Variants in TRPS1 observed in about 807,000 individuals in gnomAD.
TRPS1 encodes transcriptional repressor GATA binding 1, also known as zinc finger transcription factor Trps1.
A neutral mutation model predicts 101.2 loss-of-function variants in TRPS1; 6 were observed. That is an observed-to-expected ratio of 0.06 (90% CI 0.03 to 0.12). The LOEUF (loss-of-function observed/expected upper bound fraction) is 0.12, where lower values mean the gene tolerates loss of function less well. TRPS1 is among the 10% of genes least tolerant of loss of function. TRPS1 has a pLI of 1.00. For synonymous variants in TRPS1, 578 were observed against 589.8 expected (o/e 0.98, Z 0.29); for missense variants, 1,363 against 1,567.0 (o/e 0.87, Z 2.20).
chr8:115,440,199 C>T (rs1246742525), intron 5 of TRPS1, among the ~76,000 whole-genome samples: 1 of 152,102 alleles, frequency 6.6e-6, no homozygotes, highest in Non-Finnish European at 1.5e-5. Flanking sequence ...TTACGTACAC[C>T]AAGTCCAAGA....
At chr8:115,535,757 A>ATG (rs1816304255) in intron 5 of TRPS1, among the ~76,000 whole-genome samples, 1 of 151,286 alleles carries the variant, frequency 6.6e-6, no homozygotes, top group East Asian at 1.9e-4. Flanking sequence ...ATACATGTAT[A>ATG]TGTGTATATA....
chr8:115,664,274 AT>A (rs1811873221), intron 1 of TRPS1, among the ~76,000 whole-genome samples: 1 of 152,048 alleles, frequency 6.6e-6, no homozygotes, highest in Non-Finnish European at 1.5e-5. Flanking sequence ...CCTCTACATA[AT>A]TTTTAATGTA....
At chr8:115,559,919 T>A (rs1816908599) in intron 5 of TRPS1, among the ~76,000 whole-genome samples, 1 of 152,066 alleles carries the variant, frequency 6.6e-6, no homozygotes, top group Admixed American at 6.6e-5. Flanking sequence ...TAACATTATA[T>A]ACTTATAGAA....
At chr8:115,564,855 T>C (rs1817030213) in intron 5 of TRPS1, among the ~76,000 whole-genome samples, 1 of 152,108 alleles carries the variant, frequency 6.6e-6, no homozygotes, top group South Asian at 2.1e-4. Flanking sequence ...TCCACACTCA[T>C]GGTATACTTG....
chr8:115,518,541 C>T (rs909123610), intron 5 of TRPS1, among the ~76,000 whole-genome samples: 1 of 151,736 alleles, frequency 6.6e-6, no homozygotes, highest in African/African-American at 2.4e-5. Flanking sequence ...TCTCATTCTA[C>T]ACAAATATTA....
rs931585527 is a variant in TRPS1, at chr8:115,409,925, T to TC, written c.*4097_*4098insG. On this transcript the variant is annotated 3_prime_UTR_variant, in exon 7 of 7. Transcript: ENST00000395715. ...GACGACTTGATCTTTTTTTCTTTTT[T>TC]TTTTTTTGCCATGGCTCTCAAACCA... The TC allele has an allele frequency of 6.6e-6, 1 of 151,736 alleles. No individual in the cohort carries two copies. The highest frequency in any genetic ancestry group is 2.4e-5 in the African/African-American group (1 of 41,110). 9.4% of individuals were successfully genotyped at this position (151,736 alleles called of 1,614,324 possible). A position where few individuals can be genotyped will look rare whatever the true frequency, so the allele number is the denominator to read the frequency against.
At chr8:115,452,758 A>C (rs936399953) in intron 5 of TRPS1, among the ~76,000 whole-genome samples, 2 of 152,200 alleles carry the variant, frequency 1.3e-5, no homozygotes, top group South Asian at 4.1e-4. Context: ...AGATGACATT[A>C]GTGGTGTTTC....
intron 5 of TRPS1, among the ~76,000 whole-genome samples, chr8:115,551,763 T>C (rs571359961): frequency 1.2e-4 from 18 of 152,294 alleles, no homozygotes; most frequent in African/African-American, 3.4e-4. Context: ...TGGAATAAAA[T>C]TGGAATAAAA....
intron 5 of TRPS1, among the ~76,000 whole-genome samples, chr8:115,567,332 G>A (rs533104597): frequency 2.6e-5 from 4 of 151,850 alleles, no homozygotes; most frequent in African/African-American, 4.8e-5. Context: ...CATTTCCATC[G>A]TAATCTAATG....
At chr8:115,436,968 A>T (rs759323722) in intron 5 of TRPS1, among the ~76,000 whole-genome samples, 27 of 152,322 alleles carry the variant, frequency 1.8e-4, no homozygotes, top group Middle Eastern at 3.4e-3. Context: ...ACAGACGTAT[A>T]CATATTTCTT....
intron 1 of TRPS1, among the ~76,000 whole-genome samples, chr8:115,629,429 C>G (rs992038258): frequency 6.6e-6 from 1 of 151,636 alleles, no homozygotes; most frequent in Non-Finnish European, 1.5e-5. Context: ...AATAAAATCC[C>G]AGGTGTCCAA....
chr8:115,611,331 G>C (rs1235705771), intron 3 of TRPS1, among the ~76,000 whole-genome samples: 1 of 152,096 alleles, frequency 6.6e-6, no homozygotes, highest in Non-Finnish European at 1.5e-5. Flanking sequence ...TGGGAAAAGA[G>C]AAAATCTAAT....
At chr8:115,450,853 G>C (rs1288789050) in intron 5 of TRPS1, among the ~76,000 whole-genome samples, 1 of 152,156 alleles carries the variant, frequency 6.6e-6, no homozygotes, top group Non-Finnish European at 1.5e-5. Flanking sequence ...GATCCATAAT[G>C]CATCCTTTTG....
chr8:115,631,504 C>A (rs755024540), intron 1 of TRPS1, among the ~76,000 whole-genome samples: 39 of 151,902 alleles, frequency 2.6e-4, no homozygotes, highest in Non-Finnish European at 8.8e-5. Flanking sequence ...GTGACTATTG[C>A]AGAGGAATAA....
chr8:115,409,607 T>G lies in TRPS1; in HGVS notation c.*4416A>C, dbSNP rs1263942032. The G allele has an allele frequency of 6.6e-6, 1 of 152,124 alleles. No individual in the cohort carries two copies. The highest frequency in any genetic ancestry group is 1.9e-4 in the East Asian group (1 of 5,180). The allele number at this position is 152,124 out of a possible 1,614,324, so 9.4% of individuals were successfully genotyped here. On this transcript the variant is annotated 3_prime_UTR_variant, in exon 7 of 7. Coordinates refer to ENST00000395715, the MANE Select transcript of TRPS1 (RefSeq NM_014112.5). ...CAACTGCAGCACTATCAGGAACATG[T>G]GAGCCCACTGTCTATGAAACAGTAC...
At chr8:115,612,749 CTG>C (rs928417944) in intron 3 of TRPS1, among the ~76,000 whole-genome samples, 3 of 152,326 alleles carry the variant, frequency 2.0e-5, no homozygotes, top group Admixed American at 6.5e-5. Context: ...CCAGGAGACT[CTG>C]TGAATTCCCA....
intron 4 of TRPS1, among the ~76,000 whole-genome samples, chr8:115,600,125 T>G (rs967056589): frequency 2.4e-4 from 37 of 152,230 alleles, no homozygotes; most frequent in African/African-American, 8.9e-4. Flanking sequence ...ATTGGCCGCA[T>G]AAATATCTTC....
At chr8:115,664,846 G>A (rs576640383) in intron 1 of TRPS1, among the ~76,000 whole-genome samples, 11 of 152,246 alleles carry the variant, frequency 7.2e-5, no homozygotes, top group African/African-American at 2.6e-4. Flanking sequence ...CTAAATTAAG[G>A]AAAGGCAAAT....
chr8:115,661,178 TA>T (rs1362025643), intron 1 of TRPS1, among the ~76,000 whole-genome samples: 6 of 152,148 alleles, frequency 3.9e-5, no homozygotes, highest in East Asian at 1.9e-4. Context: ...TTTTTTCATT[TA>T]AAAAAATTCC....
Sources: allele counts gnomAD v4.1 joint callset (sites outside exome capture counted in the v4.1 genomes callset), GRCh38; gene constraint gnomAD v4.1.1; transcripts MANE v1.5; gene names NCBI Gene and HGNC (gene_info 2026-07-23, HGNC 2026-07-21).